CADM2: variants seen among roughly 807,000 people sequenced by gnomAD.
CADM2 encodes the protein cell adhesion molecule 2.
A neutral mutation model predicts 49.8 loss-of-function variants in CADM2; 12 were observed. The ratio of observed to expected loss-of-function variants is 0.24; its 90% confidence interval spans 0.15 to 0.39. The LOEUF (loss-of-function observed/expected upper bound fraction) is 0.39. Among genes scored for constraint, CADM2 ranks in the 10% least tolerant of loss-of-function variants. The pLI is 1.00. For synonymous variants in CADM2, 214 were observed against 175.4 expected (o/e 1.22, Z -1.74); for missense variants, 378 against 492.3 (o/e 0.77, Z 2.20).
chr3:85,329,762 A>G (rs1241125216), intron 1 of CADM2, among the ~76,000 whole-genome samples: 2 of 152,178 alleles, frequency 1.3e-5, no homozygotes, highest in Admixed American at 6.5e-5. Flanking sequence ...ATATTTTACA[A>G]CTAGTAATTT....
chr3:85,513,554 C>T (rs2106851828), intron 1 of CADM2, among the ~76,000 whole-genome samples: 1 of 151,582 alleles, frequency 6.6e-6, no homozygotes, highest in Non-Finnish European at 1.5e-5. Context: ...AAAATGTAAA[C>T]CAAAGAAATA....
At chr3:85,342,335 G>GA (rs2029952273) in intron 1 of CADM2, among the ~76,000 whole-genome samples, 1 of 151,884 alleles carries the variant, frequency 6.6e-6, no homozygotes, top group South Asian at 2.1e-4. Context: ...GCTCATAGTG[G>GA]AAAAGGCAAA....
At chr3:85,830,241 T>C (rs2074125806) in intron 3 of CADM2, among the ~76,000 whole-genome samples, 1 of 151,964 alleles carries the variant, frequency 6.6e-6, no homozygotes, top group South Asian at 2.1e-4. Flanking sequence ...TATCTCATTG[T>C]AGATTTGATT....
In CADM2 at chr3:85,586,830, A is replaced by G. The variant is rs544915271; in HGVS notation, c.62-139692A>G. ...AGAAAAGTATCCATGACACTCCAGC[A>G]ACTGAATCCCCTGAAATAGTCCCCA... is the stretch of plus-strand genomic sequence containing the variant. On this transcript the variant is annotated intron_variant, in intron 1 of 9. Transcript: ENST00000383699. Among the ~76,000 whole-genome samples the G allele has an allele frequency of 1.9e-3, 288 of 152,198 alleles. 2 individuals carry two copies. Among genetic ancestry groups the G allele is most frequent in the African/African-American group, 6.5e-3 (270 of 41,562 alleles).
intron 1 of CADM2, among the ~76,000 whole-genome samples, chr3:85,170,030 A>G (rs1219192543): frequency 6.6e-6 from 1 of 152,168 alleles, no homozygotes; most frequent in Non-Finnish European, 1.5e-5. Flanking sequence ...TATGATTGTC[A>G]CAAACTAAAG....
intron 1 of CADM2, among the ~76,000 whole-genome samples, chr3:85,538,905 C>T (rs2061481229): frequency 9.6e-6 from 1 of 103,778 alleles, no homozygotes; most frequent in Non-Finnish European, 2.4e-5. Context: ...TATTGCAGAG[C>T]TATATATAAC....
intron 2 of CADM2, among the ~76,000 whole-genome samples, chr3:85,757,304 A>AT (rs1426668478): frequency 6.6e-6 from 1 of 152,132 alleles, no homozygotes; most frequent in Non-Finnish European, 1.5e-5. Flanking sequence ...ACATTCAAAT[A>AT]TTTTAATTGA....
rs536421183 is a variant in CADM2 at position 85,073,416 on chromosome 3, T to A, written c.61+113748T>A. 2.4e-4 allele frequency among the ~76,000 whole-genome samples: 36 copies of A among 152,282 alleles called. No homozygotes were observed. In the East Asian group the frequency reaches 3.3e-3, roughly 14 times the overall value. Reference sequence around the variant, plus strand: ...TGCTACAATGTACATACAGTATACATCTATGTAAATATTACTTTATTTGAA... The same window carrying A: ...TGCTACAATGTACATACAGTATACAACTATGTAAATATTACTTTATTTGAA... On this transcript the variant is annotated intron_variant, in intron 1 of 9. Coordinates refer to ENST00000383699, the MANE Select transcript of CADM2 (RefSeq NM_001167675.2).
chr3:85,608,602 C>T (rs893814782), intron 1 of CADM2, among the ~76,000 whole-genome samples: 7 of 152,060 alleles, frequency 4.6e-5, no homozygotes, highest in Non-Finnish European at 8.8e-5. Flanking sequence ...CCAAACCTAC[C>T]AGCAATGTCA....
chr3:85,797,614 A>T (rs935975804), intron 2 of CADM2, among the ~76,000 whole-genome samples: 5 of 152,160 alleles, frequency 3.3e-5, no homozygotes, highest in African/African-American at 9.7e-5. Flanking sequence ...GCTGCATAGT[A>T]TTCCATGGTG....
intron 1 of CADM2, chr3:84,960,456 C>G (rs1027106856): frequency 1.3e-5 from 2 of 151,596 alleles, no homozygotes; most frequent in East Asian, 3.9e-4. Context: ...AACACATTGA[C>G]TTTTTATTAT....
At chr3:86,048,171 G>A (rs569755941) in intron 8 of CADM2, among the ~76,000 whole-genome samples, 4 of 151,362 alleles carry the variant, frequency 2.6e-5, no homozygotes, top group East Asian at 1.9e-4. Flanking sequence ...ATTCAAAAAC[G>A]TGCATTATGA....
intron 1 of CADM2, among the ~76,000 whole-genome samples, chr3:85,633,512 C>G (rs1455577120): frequency 2.6e-5 from 4 of 152,002 alleles, no homozygotes; most frequent in Non-Finnish European, 5.9e-5. Context: ...TAAAACAATA[C>G]TAATGTCCAG....
intron 3 of CADM2, among the ~76,000 whole-genome samples, chr3:85,872,389 T>C (rs2075963043): frequency 6.6e-6 from 1 of 152,192 alleles, no homozygotes; most frequent in Admixed American, 6.5e-5. Context: ...ACACAATGTG[T>C]TCTTTTATTG....
intron 1 of CADM2, among the ~76,000 whole-genome samples, chr3:85,345,331 A>AAAAG (rs1553711631): frequency 3.3e-5 from 5 of 150,226 alleles, no homozygotes; most frequent in African/African-American, 7.3e-5. Context: ...AAAAAAAAAA[A>AAAAG]AAAGAAAGAA....
At chr3:85,515,629 A>ATTTTT (rs201585752) in intron 1 of CADM2, among the ~76,000 whole-genome samples, 1 of 121,826 alleles carries the variant, frequency 8.2e-6, no homozygotes, top group African/African-American at 3.5e-5. Context: ...ATATATATAT[A>ATTTTT]TATTTTTTTT....
chr3:85,005,023 G>A (rs939826308), intron 1 of CADM2, among the ~76,000 whole-genome samples: 1 of 152,120 alleles, frequency 6.6e-6, no homozygotes. Context: ...CTAATATCAT[G>A]AGAAACAACC....
intron 1 of CADM2, among the ~76,000 whole-genome samples, chr3:85,403,675 C>A (rs2035231533): frequency 6.6e-6 from 1 of 152,136 alleles, no homozygotes; most frequent in South Asian, 2.1e-4. Flanking sequence ...GCATTCAACT[C>A]ATATACTTGA....
chr3:85,059,610 A>T (rs996485788), intron 1 of CADM2, among the ~76,000 whole-genome samples: 6 of 152,068 alleles, frequency 3.9e-5, no homozygotes, highest in African/African-American at 1.4e-4. Flanking sequence ...ACCCGGTGGG[A>T]GGTGATTGAA....
Sources: gnomAD v4.1 joint callset for allele counts (sites outside exome capture counted in the v4.1 genomes callset) on GRCh38, gnomAD v4.1.1 for gene constraint, MANE v1.5 for transcripts, NCBI Gene and HGNC (gene_info 2026-07-23, HGNC 2026-07-21) for gene names.